EPB41: variants seen among roughly 807,000 people sequenced by gnomAD.
The protein encoded by EPB41 is protein 4.1.
EPB41 carries 65 observed loss-of-function variants against 108.0 expected under a neutral mutation model. The observed-to-expected ratio is 0.60, with a 90% CI of 0.49 to 0.74. The LOEUF is 0.74. EPB41 is among the 30% of genes least tolerant of loss of function. The pLI is 0.00. For missense variants in EPB41, 875 were observed against 1,037.0 expected, an observed-to-expected ratio of 0.84 and a Z score of 2.15; for synonymous variants, 336 against 358.9, an observed-to-expected ratio of 0.94 and a Z score of 0.72.
At chr1:29,023,321 A>G (rs2150141548) in intron 7 of EPB41, among the ~76,000 whole-genome samples, 1 of 151,970 alleles carries the variant, frequency 6.6e-6, no homozygotes. Context: ...TTAGAAATTT[A>G]ATAAACATTT....
intron 1 of EPB41, among the ~76,000 whole-genome samples, chr1:28,976,038 A>G (rs1406240675): frequency 6.6e-6 from 1 of 152,120 alleles, no homozygotes; most frequent in Non-Finnish European, 1.5e-5. Flanking sequence ...GCCAGATTGA[A>G]TAGTCTGTGC....
chr1:29,003,910 C>G (rs934096287), intron 4 of EPB41, among the ~76,000 whole-genome samples: 1 of 152,086 alleles, frequency 6.6e-6, no homozygotes, highest in Non-Finnish European at 1.5e-5. Flanking sequence ...TTACAGGCGC[C>G]CACCACCACA....
chr1:28,934,475 T>C (rs934472182), intron 1 of EPB41, among the ~76,000 whole-genome samples: 1 of 152,216 alleles, frequency 6.6e-6, no homozygotes, highest in Non-Finnish European at 1.5e-5. Flanking sequence ...AAATTATTTG[T>C]AATTCTGCAT....
At chr1:28,994,633 T>TTTTTTTTA (rs1553224685) in intron 3 of EPB41, among the ~76,000 whole-genome samples, 203 of 139,852 alleles carry the variant, frequency 1.5e-3, no homozygotes, top group African/African-American at 4.2e-3. Context: ...GAACAAACTA[T>TTTTTTTTA]TTTATTTATT....
rs762682968 is a variant in EPB41, at chr1:29,112,396, G to C, written c.2444G>C (p.Arg815Pro). The C allele has an allele frequency of 1.9e-6, 3 of 1,613,710 alleles. No individual in the cohort carries two copies. Among genetic ancestry groups the C allele is most frequent in the Non-Finnish European group, 2.5e-6 (3 of 1,179,878 alleles). The stretch of plus-strand genomic sequence containing the variant: ...GTAAAAGGTGGGATTTCAGAGACAC[G>C]TATTGAAAAGAGAATTGTGATCACA... Reference protein sequence around the residue: ...KTVKGGISETRIEKRIVITGD... With the variant: ...KTVKGGISETPIEKRIVITGD... Residue 815 changes from arginine (R) to proline (P), a missense_variant, in exon 19 of 21, where the codon CGT (arginine) becomes CCT (proline). Coordinates refer to ENST00000343067, the MANE Select transcript of EPB41 (RefSeq NM_001376013.1).
intron 17 of EPB41, among the ~76,000 whole-genome samples, chr1:29,101,461 T>C (rs781366828): frequency 4.3e-4 from 66 of 152,250 alleles, no homozygotes; most frequent in Non-Finnish European, 5.9e-4. Flanking sequence ...TGCTTCCCTA[T>C]TCTCTCTTTC....
In EPB41 at chr1:29,118,507, A is replaced by G. The variant is rs924275117; in HGVS notation, c.*1695A>G. The G allele has an allele frequency of 1.3e-5, 2 of 152,232 alleles. No homozygotes were observed. The highest frequency in any genetic ancestry group is 2.9e-5 in the Non-Finnish European group (2 of 68,080). 9.4% of individuals were successfully genotyped at this position (152,232 alleles called of 1,614,324 possible). A position where few individuals can be genotyped will look rare whatever the true frequency, so the allele number is the denominator to read the frequency against. On this transcript the variant is annotated 3_prime_UTR_variant, in exon 21 of 21. Coordinates refer to ENST00000343067, the MANE Select transcript of EPB41 (RefSeq NM_001376013.1). The stretch of plus-strand genomic sequence containing the variant: ...CTTAGAATCCCAGTTCCAGCTTCCT[A>G]AAATAGACAGTGGGTATCGGGCAGC...
intron 11 of EPB41, among the ~76,000 whole-genome samples, chr1:29,044,742 C>G (rs772742351): frequency 5.3e-5 from 8 of 152,318 alleles, no homozygotes; most frequent in Non-Finnish European, 8.8e-5. Context: ...TTCCCAGCTA[C>G]TCAGGACGCT....
At chr1:29,067,495 C>CAAAA (rs71022390) in intron 16 of EPB41, among the ~76,000 whole-genome samples, 1 of 25,614 alleles carries the variant, frequency 3.9e-5, no homozygotes, top group African/African-American at 1.8e-4. Context: ...GACTCTGTCT[C>CAAAA]AAAAAAAAAA....
At chr1:29,016,285 T>C (rs2150029629) in intron 6 of EPB41, among the ~76,000 whole-genome samples, 1 of 152,130 alleles carries the variant, frequency 6.6e-6, no homozygotes, top group Middle Eastern at 3.4e-3. Context: ...GAGCGATTCT[T>C]TTGCCTCAGC....
intron 10 of EPB41, among the ~76,000 whole-genome samples, chr1:29,037,013 G>T (rs746567342): frequency 6.6e-6 from 1 of 151,592 alleles, no homozygotes; most frequent in Non-Finnish European, 1.5e-5. Context: ...TCACTCTAAT[G>T]AAACCCAGAA....
rs752920448 is a variant in EPB41, at chr1:28,987,912, A to T, written c.468+7A>T. 1 of 1,612,412 alleles carries T rather than the reference A, an allele frequency of 6.2e-7. No individual in the cohort carries two copies. Among genetic ancestry groups the T allele is most frequent in the South Asian group, 1.1e-5 (1 of 91,048 alleles). On this transcript the variant is annotated splice_region_variant and intron_variant, in intron 2 of 20. Coordinates refer to ENST00000343067, the MANE Select transcript of EPB41 (RefSeq NM_001376013.1). ...AAGCAGTGCAGAAACACAGGTAAGG[A>T]TGTGTGGATATGGGAGGTGGGCAAA...
chr1:28,950,128 G>T (rs1343385022), intron 1 of EPB41, among the ~76,000 whole-genome samples: 1 of 152,124 alleles, frequency 6.6e-6, no homozygotes, highest in Non-Finnish European at 1.5e-5. Flanking sequence ...TGGATGTGTA[G>T]GTGTGTGTAA....
At chr1:28,954,713 T>A (rs888273227) in intron 1 of EPB41, among the ~76,000 whole-genome samples, 1 of 152,194 alleles carries the variant, frequency 6.6e-6, no homozygotes, top group African/African-American at 2.4e-5. Context: ...GTTGATTTCA[T>A]GCCACCATGT....
intron 11 of EPB41, among the ~76,000 whole-genome samples, chr1:29,045,180 A>T (rs1319291430): frequency 6.6e-6 from 1 of 152,164 alleles, no homozygotes; most frequent in East Asian, 1.9e-4. Flanking sequence ...TATATGGATC[A>T]GTTTGGAGAT....
At chr1:28,947,747 C>G (rs2094540578) in intron 1 of EPB41, among the ~76,000 whole-genome samples, 1 of 152,072 alleles carries the variant, frequency 6.6e-6, no homozygotes, top group Non-Finnish European at 1.5e-5. Context: ...ATCACTTGAA[C>G]CCAGGAGTCG....
At chr1:29,064,769 A>G (rs1339519533) in intron 15 of EPB41, among the ~76,000 whole-genome samples, 1 of 152,226 alleles carries the variant, frequency 6.6e-6, no homozygotes, top group African/African-American at 2.4e-5. Context: ...GAGTTGTGAT[A>G]CTTCACAGCT....
chr1:28,890,398 CTT>C (rs2089991914), intron 1 of EPB41, among the ~76,000 whole-genome samples: 1 of 152,146 alleles, frequency 6.6e-6, no homozygotes, highest in Non-Finnish European at 1.5e-5. Flanking sequence ...AGGCTAGTCA[CTT>C]TGCTCCCTGG....
intron 17 of EPB41, among the ~76,000 whole-genome samples, chr1:29,099,116 G>T (rs532687790): frequency 6.7e-6 from 1 of 150,288 alleles, no homozygotes; most frequent in Non-Finnish European, 1.5e-5. Flanking sequence ...GGACCGGCCT[G>T]GCCAACGTGG....
Sources: allele counts gnomAD v4.1 joint callset (sites outside exome capture counted in the v4.1 genomes callset), GRCh38; gene constraint gnomAD v4.1.1; transcripts MANE v1.5; gene names NCBI Gene and HGNC (gene_info 2026-07-23, HGNC 2026-07-21).